Variants in ANKRD26 observed in about 807,000 individuals in gnomAD.
The protein encoded by ANKRD26 is ankyrin repeat domain 26.
A neutral mutation model predicts 208.7 loss-of-function variants in ANKRD26; 141 were observed. The observed-to-expected ratio is 0.68, with a 90% CI of 0.59 to 0.78. ANKRD26 has a LOEUF of 0.78. Among genes scored for constraint, ANKRD26 ranks in the 30% least tolerant of loss-of-function variants. The probability of loss-of-function intolerance (pLI) is 0.00; values close to 1 mark genes in which losing one functional copy is unlikely to be tolerated. For synonymous variants in ANKRD26, 636 were observed against 660.4 expected, an observed-to-expected ratio of 0.96 and a Z score of 0.57; for missense variants, 1,889 against 1,938.7, an observed-to-expected ratio of 0.97 and a Z score of 0.48.
At position 27,012,942 on chromosome 10, in the gene ANKRD26, T is replaced by A; in HGVS notation, c.4893A>T (p.Leu1631Phe). 1.9e-6 allele frequency: 3 copies of A among 1,614,164 alleles called. No individual in the cohort carries two copies. The East Asian group carries it at 6.7e-5, about 36-fold the overall frequency. The change falls in exon 32 of 34, where the codon TTA becomes TTT. Residue 1631 changes from leucine to phenylalanine, a missense_variant. Physicochemically the swap from Leu to Phe is conservative, Grantham distance 22. Coordinates refer to ENST00000376087, the MANE Select transcript of ANKRD26 (RefSeq NM_014915.3). ...LNRKLIPREN[L>F]VISTSNPRAS... Reference sequence around the variant, plus strand: ...CCCGTGGATTTGAGGTAGAGATCACTAAGTTTTCTCTTGGAATAAGTTTTC... The same window carrying A: ...CCCGTGGATTTGAGGTAGAGATCACAAAGTTTTCTCTTGGAATAAGTTTTC...
the ANKRD26 span, among the ~76,000 whole-genome samples, chr10:26,952,223 T>A: frequency 6.6e-6 from 1 of 152,000 alleles, no homozygotes; most frequent in African/African-American, 2.4e-5. Context: ...CGCTGCCTCC[T>A]GACTGACCTT....
chr10:26,992,834 T>C (rs1394341640), intron 5 of ANKRD26, among the ~76,000 whole-genome samples: 2 of 152,188 alleles, frequency 1.3e-5, no homozygotes, highest in East Asian at 1.9e-4. Context: ...TGGGTTTTCA[T>C]ATCAGCCATA....
intron 27 of ANKRD26, among the ~76,000 whole-genome samples, chr10:27,026,148 G>A (rs1564365727): frequency 6.6e-6 from 1 of 152,088 alleles, no homozygotes; most frequent in Non-Finnish European, 1.5e-5. Flanking sequence ...AGAACCTTCT[G>A]GAAAAGTTAG....
chr10:26,956,184 T>C, the ANKRD26 span, among the ~76,000 whole-genome samples: 5 of 152,200 alleles, frequency 3.3e-5, no homozygotes, highest in African/African-American at 1.2e-4. Context: ...TATCTAATGG[T>C]TTAGAACAAT....
At chr10:27,046,573 A>G (rs1022923026) in intron 17 of ANKRD26, 50 bp from the exon 18 acceptor site, 4 of 1,560,248 alleles carry the variant, frequency 2.6e-6, no homozygotes, top group Non-Finnish European at 1.8e-6. Flanking sequence ...AAAGAAAAAA[A>G]GAAACAACAT....
At chr10:27,066,597 A>G (rs183979298) in intron 10 of ANKRD26, 49 bp from the exon 11 acceptor site, 2 of 1,231,202 alleles carry the variant, frequency 1.6e-6, no homozygotes, top group East Asian at 4.7e-5. Context: ...TTACTATTGT[A>G]AATTTTAAAT....
chr10:27,005,834 A>G, intron 33 of ANKRD26, 111 bp from the exon 34 acceptor site: 1 of 1,324,754 alleles, frequency 7.5e-7, no homozygotes, highest in African/African-American at 1.5e-5. Context: ...AGAAAGAAAA[A>G]TATGTATGCA....
At chr10:26,978,690 T>C (rs972777476) in intron 5 of ANKRD26, among the ~76,000 whole-genome samples, 1 of 152,138 alleles carries the variant, frequency 6.6e-6, no homozygotes, top group African/African-American at 2.4e-5. Context: ...CTGATGGAAA[T>C]GTAATGCTCT....
Position 27,100,462 on chromosome 10 carries a change from C to T in ANKRD26, c.-136G>A, listed in dbSNP as rs2056615708. The T allele has an allele frequency of 4.5e-6, 6 of 1,331,232 alleles. No individual in the cohort carries two copies. Among genetic ancestry groups the T allele is most frequent in the East Asian group, 4.8e-5 (2 of 41,358 alleles). The allele number at this position is 1,331,232 out of a possible 1,614,324, so 82.5% of individuals were successfully genotyped here. A position where few individuals can be genotyped will look rare whatever the true frequency, so the allele number is the denominator to read the frequency against. ...ACTCCGCGGTTTCCAATCTCTCCCT[C>T]CGGGTTACCAAGCAAGCGATCCCGC... On this transcript the variant is annotated 5_prime_UTR_variant, in exon 1 of 34. Transcript: ENST00000376087.
chr10:27,028,810 A>C (rs766966904), intron 27 of ANKRD26, 42 bp downstream of exon 27: 1 of 1,490,358 alleles, frequency 6.7e-7, no homozygotes, highest in Non-Finnish European at 9.4e-7. Context: ...TAAAGCAATA[A>C]AATTCCTTTT....
chr10:26,970,278 C>A (rs984120091), downstream of ANKRD26, among the ~76,000 whole-genome samples: 1 of 152,002 alleles, frequency 6.6e-6, no homozygotes, highest in African/African-American at 2.4e-5. Flanking sequence ...TGGGGCCTGG[C>A]GAAAGGTGAT....
intron 25 of ANKRD26, chr10:27,030,471 C>T: frequency 1.0e-6 from 1 of 985,412 alleles, no homozygotes; most frequent in Non-Finnish European, 1.2e-6. Flanking sequence ...TTTGCAACAA[C>T]TGTCTATGCT....
At chr10:27,093,652 C>A (rs771269426) in intron 2 of ANKRD26, 33 bp downstream of exon 2, 1 of 1,602,972 alleles carries the variant, frequency 6.2e-7, no homozygotes, top group East Asian at 2.2e-5. Context: ...AAGTCAAATC[C>A]ATCTGATGCT....
In ANKRD26 at chr10:27,093,489, T is replaced by C; in HGVS notation, c.391A>G (p.Ile131Val). The C allele has an allele frequency of 6.2e-7, 1 of 1,614,196 alleles. No individual in the cohort carries two copies. Among genetic ancestry groups the C allele is most frequent in the South Asian group, 1.1e-5 (1 of 91,088 alleles). Residue 131 changes from isoleucine (I) to valine (V), a missense_variant, in exon 3 of 34, where the codon ATT becomes GTT. Ile to Val is a conservative substitution (Grantham distance 29). Coordinates refer to ENST00000376087, the MANE Select transcript of ANKRD26 (RefSeq NM_014915.3). ...VQCQEEKCAT[I>V]LLEHGADPNL... is the part of the protein sequence containing the mutation. Reference sequence around the variant, plus strand: ...GGATCAGCACCATGTTCTAGCAGAATAGTTGCACATTTCTCTTCCTGGCAT... The same window carrying C: ...GGATCAGCACCATGTTCTAGCAGAACAGTTGCACATTTCTCTTCCTGGCAT...
At chr10:27,072,250 T>C (rs969116979) in intron 9 of ANKRD26, among the ~76,000 whole-genome samples, 2 of 152,210 alleles carry the variant, frequency 1.3e-5, no homozygotes, top group Non-Finnish European at 2.9e-5. Flanking sequence ...CAGAACCCTA[T>C]AGGCGTGAGA....
intron 15 of ANKRD26, among the ~76,000 whole-genome samples, chr10:27,059,167 G>C (rs934553126): frequency 6.6e-6 from 1 of 152,154 alleles, no homozygotes; most frequent in Admixed American, 6.5e-5. Flanking sequence ...ACCTGCTTCA[G>C]CCTCCCAAAG....
rs918083657 is a variant in ANKRD26, at chr10:27,014,693, C to T, written c.4525G>A (p.Glu1509Lys). 6.2e-7 allele frequency: 1 copy of T among 1,612,548 alleles called. No individual in the cohort carries two copies. The highest frequency in any genetic ancestry group is 8.5e-7 in the Non-Finnish European group (1 of 1,179,562). Residue 1509 changes from glutamate to lysine, a missense_variant, in exon 31 of 34, where the codon GAA becomes AAA. Glu to Lys is a moderately conservative substitution (Grantham distance 56). Coordinates refer to ENST00000376087, the MANE Select transcript of ANKRD26 (RefSeq NM_014915.3). Reference sequence around the variant, plus strand: ...TTCTCTCTAAACTGCTCTAAGTTTTCTTGAGATGCTGCTTGTGCCTAAAAC... The same window carrying T: ...TTCTCTCTAAACTGCTCTAAGTTTTTTTGAGATGCTGCTTGTGCCTAAAAC... ...LFLQAQAASQ[E>K]NLEQFRENNF...
chr10:27,091,728 C>T (rs34283610), intron 4 of ANKRD26, among the ~76,000 whole-genome samples: 19,851 of 152,082 alleles, frequency 0.13, 1,417 homozygotes, highest in East Asian at 0.28. Context: ...TGGCTTAATG[C>T]CTGTAATCCC....
intron 29 of ANKRD26, among the ~76,000 whole-genome samples, chr10:27,021,095 C>T (rs974754660): frequency 1.3e-5 from 2 of 152,214 alleles, no homozygotes; most frequent in African/African-American, 4.8e-5. Flanking sequence ...ATTCTGAACA[C>T]ATTTCTTGGC....
Sources: allele counts gnomAD v4.1 joint callset (sites outside exome capture counted in the v4.1 genomes callset), GRCh38; gene constraint gnomAD v4.1.1; transcripts MANE v1.5; gene names NCBI Gene and HGNC (gene_info 2026-07-23, HGNC 2026-07-21).